RBMS3: variants seen among roughly 807,000 people sequenced by gnomAD.
The protein encoded by RBMS3 is RNA binding motif single stranded interacting protein 3.
Under a neutral mutation model 66.8 loss-of-function variants are expected in RBMS3, and 27 were observed. That is an observed-to-expected ratio of 0.40 (90% CI 0.30 to 0.56). The LOEUF (loss-of-function observed/expected upper bound fraction) is 0.56. RBMS3 is among the 20% of genes least tolerant of loss of function. RBMS3 has a pLI of 0.40. For missense variants in RBMS3, 513 were observed against 549.5 expected (o/e 0.93, Z 0.66); for synonymous variants, 188 against 183.0 (o/e 1.03, Z -0.22).
At chr3:29,357,966 G>A (rs1033718974) in intron 1 of RBMS3, among the ~76,000 whole-genome samples, 2 of 152,054 alleles carry the variant, frequency 1.3e-5, no homozygotes, top group African/African-American at 4.8e-5. Context: ...TGTCAGATGA[G>A]TAGATTACAA....
chr3:29,578,749 A>G (rs1183581151), intron 3 of RBMS3, among the ~76,000 whole-genome samples: 1 of 151,612 alleles, frequency 6.6e-6, no homozygotes, highest in Non-Finnish European at 1.5e-5. Flanking sequence ...TACAGAATGT[A>G]CAGTATGACA....
chr3:29,551,308 C>T (rs889854331), intron 3 of RBMS3, among the ~76,000 whole-genome samples: 3 of 152,096 alleles, frequency 2.0e-5, no homozygotes, highest in African/African-American at 4.8e-5. Context: ...CAGATGATGT[C>T]CTTGAAGATG....
At chr3:29,892,843 G>GTATGTATTTATGTATTTATT in intron 8 of RBMS3, among the ~76,000 whole-genome samples, 1 of 137,528 alleles carries the variant, frequency 7.3e-6, no homozygotes, top group South Asian at 2.3e-4. Flanking sequence ...ATGTATGTAT[G>GTATGTATTTATGTATTTATT]TATTTATTTA....
intron 3 of RBMS3, among the ~76,000 whole-genome samples, chr3:29,574,104 TG>T (rs1454251004): frequency 6.6e-6 from 1 of 152,190 alleles, no homozygotes; most frequent in East Asian, 1.9e-4. Flanking sequence ...TTAACTCTGA[TG>T]TTTCTTTGTT....
chr3:29,777,454 C>T (rs113440560), intron 6 of RBMS3, among the ~76,000 whole-genome samples: 28 of 151,930 alleles, frequency 1.8e-4, no homozygotes, highest in Non-Finnish European at 3.2e-4. Flanking sequence ...TCTCTTAATG[C>T]GTTTTATTAG....
intron 5 of RBMS3, among the ~76,000 whole-genome samples, chr3:29,751,605 T>C (rs1262662384): frequency 6.6e-6 from 1 of 152,240 alleles, no homozygotes; most frequent in African/African-American, 2.4e-5. Context: ...AAAAATTCTA[T>C]GGATAAATAC....
chr3:29,857,493 TTC>T (rs1189692179), intron 6 of RBMS3, among the ~76,000 whole-genome samples: 1 of 151,904 alleles, frequency 6.6e-6, no homozygotes, highest in Non-Finnish European at 1.5e-5. Context: ...TTACTTTTTT[TTC>T]TTTTTCAAGT....
chr3:29,416,803 G>A (rs1214998437), intron 1 of RBMS3, among the ~76,000 whole-genome samples: 1 of 152,080 alleles, frequency 6.6e-6, no homozygotes, highest in African/African-American at 2.4e-5. Flanking sequence ...AAGGATGTGG[G>A]AAGTAGAAGA....
chr3:29,492,662 A>G (rs2043593956), intron 3 of RBMS3, among the ~76,000 whole-genome samples: 1 of 152,182 alleles, frequency 6.6e-6, no homozygotes, highest in Non-Finnish European at 1.5e-5. Flanking sequence ...GGGAGAAACC[A>G]TACTGAGAAA....
intron 3 of RBMS3, among the ~76,000 whole-genome samples, chr3:29,576,572 C>A (rs1302580085): frequency 6.6e-6 from 1 of 152,146 alleles, no homozygotes; most frequent in Non-Finnish European, 1.5e-5. Flanking sequence ...TTCAGGATGG[C>A]AAGTTTCCCC....
At chr3:29,371,277 G>A (rs1034113550) in intron 1 of RBMS3, among the ~76,000 whole-genome samples, 1 of 152,178 alleles carries the variant, frequency 6.6e-6, no homozygotes, top group Non-Finnish European at 1.5e-5. Context: ...GAGAAGGCAG[G>A]TACAAGCCAA....
intron 5 of RBMS3, among the ~76,000 whole-genome samples, chr3:29,750,198 A>AT (rs1310516596): frequency 1.3e-5 from 2 of 152,148 alleles, no homozygotes; most frequent in Non-Finnish European, 2.9e-5. Flanking sequence ...GTTCTGGCAG[A>AT]TTTTACTTCG....
intron 6 of RBMS3, among the ~76,000 whole-genome samples, chr3:29,826,143 G>C (rs1423638011): frequency 6.6e-6 from 1 of 152,044 alleles, no homozygotes; most frequent in Non-Finnish European, 1.5e-5. Context: ...TGATTAGATG[G>C]CTATGAAAAT....
intron 5 of RBMS3, among the ~76,000 whole-genome samples, chr3:29,755,182 T>C (rs2055353423): frequency 6.6e-6 from 1 of 152,238 alleles, no homozygotes; most frequent in Non-Finnish European, 1.5e-5. Context: ...TTCTGCCATT[T>C]CTTTATGAAA....
At chr3:29,387,269 G>A (rs1344486584) in intron 1 of RBMS3, among the ~76,000 whole-genome samples, 1 of 152,014 alleles carries the variant, frequency 6.6e-6, no homozygotes, top group Non-Finnish European at 1.5e-5. Flanking sequence ...ATGTTAAATA[G>A]GAATTCCAAA....
rs193048428 is a variant in RBMS3, at chr3:29,622,100, G to A, written c.399+34895G>A. Among the ~76,000 whole-genome samples, 269 of 151,852 alleles carry A rather than the reference G, an allele frequency of 1.8e-3. 1 individual carries two copies. The highest frequency in any genetic ancestry group is 6.3e-3 in the African/African-American group (262 of 41,426). On this transcript the variant is annotated intron_variant, in intron 4 of 14. Transcript: ENST00000383767. ...AACTCTTCCAGCTCTAAAATTTCAT[G>A]GAAAAAAAATCAATGAATATATTCA...
intron 6 of RBMS3, among the ~76,000 whole-genome samples, chr3:29,831,119 A>G (rs1576936992): frequency 6.6e-6 from 1 of 152,294 alleles, no homozygotes; most frequent in African/African-American, 2.4e-5. Context: ...ACTGCCTGAA[A>G]CTTTACTCAG....
chr3:29,438,768 C>T (rs559361979), intron 2 of RBMS3, among the ~76,000 whole-genome samples: 2 of 152,056 alleles, frequency 1.3e-5, no homozygotes, highest in East Asian at 1.9e-4. Flanking sequence ...CAGATTATAT[C>T]CTGCATGCCT....
rs138279306 is a variant in RBMS3 at position 29,704,287 on chromosome 3, A to C, written c.400-35433A>C. Among the ~76,000 whole-genome samples the C allele has an allele frequency of 2.9e-3, 446 of 152,180 alleles. 4 individuals are homozygous for C. Among genetic ancestry groups the C allele is most frequent in the African/African-American group, 9.9e-3 (412 of 41,504 alleles). ...CGTAAAGGTTGGGGACCCCTGATTT[A>C]ATCTTTGCTTCTATTTCAATTACTT... On this transcript the variant is annotated intron_variant, in intron 4 of 14. Transcript: ENST00000383767.
Sources: allele counts gnomAD v4.1 joint callset (sites outside exome capture counted in the v4.1 genomes callset), GRCh38; gene constraint gnomAD v4.1.1; transcripts MANE v1.5; gene names NCBI Gene and HGNC (gene_info 2026-07-23, HGNC 2026-07-21).